Variants in FTO observed in about 807,000 individuals in gnomAD.
FTO encodes the protein alpha-ketoglutarate-dependent dioxygenase FTO.
In FTO, 47 loss-of-function variants were observed where a neutral mutation model predicts 63.9. That is an observed-to-expected ratio of 0.74 (90% CI 0.58 to 0.94). The LOEUF is 0.94. Among genes scored for constraint, FTO ranks in the 40% least tolerant of loss-of-function variants. The pLI, the probability that FTO is intolerant of heterozygous loss-of-function variation, is 0.00. For synonymous variants in FTO, 207 were observed against 224.4 expected (o/e 0.92, Z 0.69); for missense variants, 562 against 618.1 (o/e 0.91, Z 0.96).
intron 3 of FTO, among the ~76,000 whole-genome samples, 183 bp downstream of exon 3, chr16:53,826,674 A>C (rs1174793374): frequency 6.6e-6 from 1 of 152,152 alleles, no homozygotes. Flanking sequence ...ATGTCTGCAG[A>C]ATATGCCTCT....
chr16:53,903,263 T>G (rs927349793), intron 7 of FTO, among the ~76,000 whole-genome samples: 1 of 151,974 alleles, frequency 6.6e-6, no homozygotes, highest in African/African-American at 2.4e-5. Context: ...CTAGTTTTTT[T>G]TTTTTTTTTC....
At chr16:53,776,595 A>G (rs1390005382) in intron 1 of FTO, among the ~76,000 whole-genome samples, 1 of 152,180 alleles carries the variant, frequency 6.6e-6, no homozygotes, top group Non-Finnish European at 1.5e-5. Flanking sequence ...AACTTTTAAA[A>G]GCCTTTATTG....
At chr16:54,074,950 G>GTGTA (rs1599322740) in intron 8 of FTO, among the ~76,000 whole-genome samples, 2 of 147,402 alleles carry the variant, frequency 1.4e-5, no homozygotes, top group African/African-American at 5.0e-5. Flanking sequence ...GTGTGTGTGT[G>GTGTA]TGTGTAAACT....
Position 54,116,203 on chromosome 16 carries a change from G to A in FTO, c.*4288G>A, listed in dbSNP as rs2086973762. ...TTTTTGTATGCTTCGAGGGAAGGAAGGTATTTTCAAATGCAACTTCTTTTT... is the reference window on the plus strand; with the variant it reads ...TTTTTGTATGCTTCGAGGGAAGGAAAGTATTTTCAAATGCAACTTCTTTTT... On this transcript the variant is annotated 3_prime_UTR_variant, in exon 9 of 9. Coordinates refer to ENST00000471389, the MANE Select transcript of FTO (RefSeq NM_001080432.3). 6.6e-6 allele frequency: 1 copy of A among 152,142 alleles called. No homozygotes were observed. Among genetic ancestry groups the A allele is most frequent in the African/African-American group, 2.4e-5 (1 of 41,422 alleles). The allele number at this position is 152,142 out of a possible 1,614,324, so 9.4% of individuals were successfully genotyped here. A position where few individuals can be genotyped will look rare whatever the true frequency, so the allele number is the denominator to read the frequency against.
intron 4 of FTO, among the ~76,000 whole-genome samples, chr16:53,866,177 G>A (rs1483540045): frequency 1.3e-5 from 2 of 152,060 alleles, no homozygotes; most frequent in East Asian, 1.9e-4. Context: ...TTTGTAGCTT[G>A]TTGGTGTGAT....
intron 1 of FTO, among the ~76,000 whole-genome samples, chr16:53,722,121 C>T (rs8043738): frequency 0.4 from 60,846 of 152,034 alleles, 13,447 homozygotes; most frequent in Non-Finnish European, 0.51. Flanking sequence ...TTATTCCATT[C>T]ATCTCTTTCC....
chr16:54,093,453 G>A (rs2086442988), intron 8 of FTO, among the ~76,000 whole-genome samples: 2 of 152,198 alleles, frequency 1.3e-5, no homozygotes, highest in Admixed American at 1.3e-4. Context: ...CTGGCAGGCC[G>A]GGCACGGGGC....
chr16:53,800,165 T>C (rs934260063), intron 1 of FTO, among the ~76,000 whole-genome samples: 7 of 152,146 alleles, frequency 4.6e-5, no homozygotes, highest in African/African-American at 1.7e-4. Flanking sequence ...GTTTACTAGT[T>C]TAGGTGCATC....
chr16:53,837,477 G>T (rs1255447051), intron 3 of FTO, among the ~76,000 whole-genome samples: 2 of 152,102 alleles, frequency 1.3e-5, no homozygotes, highest in East Asian at 3.9e-4. Flanking sequence ...GCGGCTTCTT[G>T]TTATAGATTC....
At chr16:54,002,643 C>T (rs1439577082) in intron 8 of FTO, among the ~76,000 whole-genome samples, 5 of 152,170 alleles carry the variant, frequency 3.3e-5, no homozygotes, top group African/African-American at 1.2e-4. Context: ...CACTTCAGAT[C>T]TTCAAAGCTT....
intron 1 of FTO, among the ~76,000 whole-genome samples, chr16:53,776,358 G>A (rs545483925): frequency 1.3e-5 from 2 of 152,264 alleles, no homozygotes; most frequent in South Asian, 2.1e-4. Context: ...AGGCCCATGG[G>A]CCTTAAGCGA....
chr16:53,715,072 G>C (rs1012962035), intron 1 of FTO, among the ~76,000 whole-genome samples: 1 of 152,164 alleles, frequency 6.6e-6, no homozygotes, highest in African/African-American at 2.4e-5. Flanking sequence ...AACTGAAAAT[G>C]TGTTAATCCA....
At chr16:53,988,615 G>T (rs1254578243) in intron 8 of FTO, among the ~76,000 whole-genome samples, 1 of 152,146 alleles carries the variant, frequency 6.6e-6, no homozygotes, top group African/African-American at 2.4e-5. Flanking sequence ...AATGCTTCAT[G>T]TATTATCTCA....
chr16:53,871,890 C>T lies in FTO; in HGVS notation c.896-1896C>T, dbSNP rs144188500. Among the ~76,000 whole-genome samples the T allele has an allele frequency of 6.2e-3, 950 of 152,084 alleles. 11 individuals are homozygous for T. Among genetic ancestry groups the T allele is most frequent in the African/African-American group, 0.021 (873 of 41,472 alleles). On this transcript the variant is annotated intron_variant, in intron 4 of 8. Coordinates refer to ENST00000471389, the MANE Select transcript of FTO (RefSeq NM_001080432.3). ...TACAAGCACCTGCCACCATGCCCAG[C>T]GAATTTTTGTATTTTTAGTAGAGAC...
chr16:54,029,627 TA>T (rs1233032425), intron 8 of FTO, among the ~76,000 whole-genome samples: 2 of 152,192 alleles, frequency 1.3e-5, no homozygotes, highest in Non-Finnish European at 2.9e-5. Context: ...ATAAGAGGTG[TA>T]TGTATTTATT....
intron 8 of FTO, among the ~76,000 whole-genome samples, chr16:54,027,294 G>T (rs1415254327): frequency 1.3e-5 from 2 of 152,102 alleles, no homozygotes; most frequent in East Asian, 3.9e-4. Flanking sequence ...TTTGGGGTTG[G>T]CAAAGCCATG....
At chr16:53,717,116 A>C (rs2075912561) in intron 1 of FTO, among the ~76,000 whole-genome samples, 2 of 151,940 alleles carry the variant, frequency 1.3e-5, no homozygotes, top group Admixed American at 1.3e-4. Context: ...TTGTACATAA[A>C]TCTCTGCAAA....
intron 1 of FTO, among the ~76,000 whole-genome samples, chr16:53,739,776 C>A (rs151046067): frequency 6.6e-6 from 1 of 151,418 alleles, no homozygotes; most frequent in Non-Finnish European, 1.5e-5. Flanking sequence ...TATAATTCTC[C>A]TAATATAAAA....
intron 8 of FTO, among the ~76,000 whole-genome samples, chr16:53,982,812 C>T (rs531598871): frequency 6.6e-6 from 1 of 152,270 alleles, no homozygotes; most frequent in Admixed American, 6.5e-5. Flanking sequence ...ATCATAGCCC[C>T]AAATTACTTA....
Sources: allele counts gnomAD v4.1 joint callset (sites outside exome capture counted in the v4.1 genomes callset), GRCh38; gene constraint gnomAD v4.1.1; transcripts MANE v1.5; gene names NCBI Gene and HGNC (gene_info 2026-07-23, HGNC 2026-07-21).